Variants in ITPRIP observed in about 807,000 individuals in gnomAD.
The protein encoded by ITPRIP is inositol 1,4,5-trisphosphate receptor-interacting protein.
ITPRIP carries 32 observed loss-of-function variants against 35.8 expected under a neutral mutation model. The observed-to-expected ratio is 0.89, with a 90% confidence interval of 0.68 to 1.20. The LOEUF (loss-of-function observed/expected upper bound fraction) is 1.20, where lower values mean the gene tolerates loss of function less well. ITPRIP is among the 50% of genes most tolerant of loss of function. The probability of loss-of-function intolerance (pLI) is 0.00; values close to 1 mark genes in which losing one functional copy is unlikely to be tolerated. For synonymous variants in ITPRIP, 358 were observed against 324.0 expected (o/e 1.11, Z -1.13); for missense variants, 653 against 735.6 (o/e 0.89, Z 1.30).
chr10:104,315,603 A>C lies in ITPRIP; in HGVS notation c.449T>G (p.Ile150Ser). 2 of 1,613,386 alleles carry C rather than the reference A, an allele frequency of 1.2e-6. No individual in the cohort carries two copies. The highest frequency in any genetic ancestry group is 2.2e-5 in the South Asian group (2 of 91,078). Reference sequence around the variant, plus strand: ...GGCTGCATCGGCCGTGGCCCCCCGGATGCAGCGCTCATAAAAGTGGCCAAG... The same window carrying C: ...GGCTGCATCGGCCGTGGCCCCCCGGCTGCAGCGCTCATAAAAGTGGCCAAG... ...ATLGHFYERC[I>S]RGATADAART... The change falls in exon 2 of 2, where the codon ATC becomes AGC. Residue 150 changes from isoleucine (I) to serine (S), a missense_variant. Physicochemically the swap from Ile to Ser is moderately radical, Grantham distance 142. Coordinates refer to ENST00000337478, the MANE Select transcript of ITPRIP (RefSeq NM_001272013.2). This position sits in a 1 kb window ranked among gnomAD's most constrained non-coding sequence, Gnocchi z 5.7.
Position 104,314,092 on chromosome 10 carries a change from G to T in ITPRIP, c.*316C>A. On this transcript the variant is annotated 3_prime_UTR_variant, in exon 2 of 2. Coordinates refer to ENST00000337478, the MANE Select transcript of ITPRIP (RefSeq NM_001272013.2). Reference sequence around the variant, plus strand: ...TTACACCCAATCCAACATTTGCATTGTCTCTAACTCAGGGTCCACAGCGTG... The same window carrying T: ...TTACACCCAATCCAACATTTGCATTTTCTCTAACTCAGGGTCCACAGCGTG... 8.9e-7 allele frequency: 1 copy of T among 1,122,164 alleles called. No individual in the cohort carries two copies. The highest frequency in any genetic ancestry group is 1.1e-6 in the Non-Finnish European group (1 of 915,312). 69.5% of individuals were successfully genotyped at this position (1,122,164 alleles called of 1,614,324 possible).
rs779947329 is a variant in ITPRIP, at chr10:104,314,621, G to A, written c.1431C>T (p.Phe477=). The A allele has an allele frequency of 2.2e-5, 36 of 1,614,062 alleles. No homozygotes were observed. The African/African-American group carries it at 2.4e-4, about 11-fold the overall frequency. Residue 477 remains phenylalanine, a synonymous_variant, in exon 2 of 2, where the codon TTC becomes TTT. Coordinates refer to ENST00000337478, the MANE Select transcript of ITPRIP (RefSeq NM_001272013.2). ...CAGGCACCTTGCGGTTGCCGATGAA[G>A]AAGTGGTGGAGCTTCTTCTGGAGCA... is the stretch of plus-strand genomic sequence containing the variant. The part of the protein sequence containing the change: ...KSLLQKKLHH[F]FIGNRKVPEA...
Position 104,328,202 on chromosome 10 carries a change from T to C in ITPRIP, c.-14+10044A>G. On this transcript the variant is annotated intron_variant, in intron 1 of 1. Transcript: ENST00000337478. This position sits in a 1 kb window ranked among gnomAD's most constrained non-coding sequence, Gnocchi z 4.1. The stretch of plus-strand genomic sequence containing the variant: ...CCAGGATTCCCATCTCCGGTTTCTA[T>C]GCGTGAATCACAGTGACAGCAATGC... 1.0e-6 allele frequency: 1 copy of C among 984,788 alleles called. No homozygotes were observed. Among genetic ancestry groups the C allele is most frequent in the Non-Finnish European group, 1.2e-6 (1 of 829,352 alleles). 61.0% of individuals were successfully genotyped at this position (984,788 alleles called of 1,614,324 possible). A position where few individuals can be genotyped will look rare whatever the true frequency, so the allele number is the denominator to read the frequency against.
At chr10:104,316,105 A>C in intron 1 of ITPRIP, 41 bp from the exon 2 acceptor site, 3 of 1,475,944 alleles carry the variant, frequency 2.0e-6, no homozygotes, top group Non-Finnish European at 2.7e-6. Flanking sequence ...AGCTTCCCTC[A>C]ATGCCACTTC....
rs1407358524 is a variant in ITPRIP at position 104,314,554 on chromosome 10, G to C, written c.1498C>G (p.Leu500Val). 5.6e-6 allele frequency: 9 copies of C among 1,614,054 alleles called. No homozygotes were observed. Among genetic ancestry groups the C allele is most frequent in the Non-Finnish European group, 6.8e-6 (8 of 1,180,036 alleles). ...AGGACGAAGGGCCGGAAGAGGTTGAGGGGCTCGGCCCTGAGCACGGCCTCA... is the reference window on the plus strand; with the variant it reads ...AGGACGAAGGGCCGGAAGAGGTTGACGGGCTCGGCCCTGAGCACGGCCTCA... The part of the protein sequence containing the change: ...LPEAVLRAEP[L>V]NLFRPFVLQR... Residue 500 changes from leucine to valine, a missense_variant, in exon 2 of 2, where the codon CTC becomes GTC. Leu to Val is a conservative substitution (Grantham distance 32, BLOSUM62 1). Transcript: ENST00000337478.
chr10:104,323,690 T>C (rs1371831450), intron 1 of ITPRIP: 2 of 152,348 alleles, frequency 1.3e-5, no homozygotes, highest in African/African-American at 4.8e-5. Context: ...GTCTGAGCCA[T>C]CGTGAAACCC....
intron 1 of ITPRIP, among the ~76,000 whole-genome samples, chr10:104,319,388 G>A (rs879484664): frequency 1.3e-5 from 2 of 152,112 alleles, no homozygotes; most frequent in Admixed American, 6.5e-5. Flanking sequence ...GTAAACACAC[G>A]CTCGAAAGTG....
In ITPRIP at chr10:104,314,848, C is replaced by T; in HGVS notation, c.1204G>A (p.Gly402Ser). 2 of 1,613,830 alleles carry T rather than the reference C, an allele frequency of 1.2e-6. No individual in the cohort carries two copies. Among genetic ancestry groups the T allele is most frequent in the African/African-American group, 1.3e-5 (1 of 75,056 alleles). ...TGCAGGCAGCTGAGGTGGCAGGCGC[C>T]CTCGGGCAGTGCCTTTAGTGTCGTC... ...LRTTLKALPE[G>S]ACHLSCLQIA... The change falls in exon 2 of 2, where the codon GGC (glycine) becomes AGC (serine). Residue 402 changes from glycine (G) to serine (S), a missense_variant. Transcript: ENST00000337478.
At chr10:104,322,325 G>A (rs914994608) in intron 1 of ITPRIP, among the ~76,000 whole-genome samples, 2 of 152,200 alleles carry the variant, frequency 1.3e-5, no homozygotes, top group African/African-American at 4.8e-5. Context: ...TACTCCCACT[G>A]AGGGTTGACT....
intron 1 of ITPRIP, among the ~76,000 whole-genome samples, chr10:104,319,305 C>T (rs2135186676): frequency 6.6e-6 from 1 of 152,352 alleles, no homozygotes; most frequent in Non-Finnish European, 1.5e-5. Context: ...AGGCTCCTCT[C>T]CTCAGCATCT....
chr10:104,316,423 C>T (rs1343036875), intron 1 of ITPRIP, among the ~76,000 whole-genome samples: 3 of 152,150 alleles, frequency 2.0e-5, no homozygotes, highest in Non-Finnish European at 4.4e-5. Context: ...GACATTCTGC[C>T]GCCCAGCTAC....
chr10:104,316,988 G>A (rs900728111), intron 1 of ITPRIP, among the ~76,000 whole-genome samples: 3 of 152,202 alleles, frequency 2.0e-5, no homozygotes, highest in Admixed American at 1.3e-4. Context: ...ATTGAGAGAC[G>A]CAATGATCCC....
chr10:104,331,337 G>C (rs276213), intron 1 of ITPRIP, among the ~76,000 whole-genome samples: 3 of 152,070 alleles, frequency 2.0e-5, no homozygotes, highest in Non-Finnish European at 4.4e-5. Flanking sequence ...GGACGCGTTC[G>C]TAAACTTCAG....
rs780635684 is a variant in ITPRIP, at chr10:104,316,042, C to T, written c.10G>A (p.Gly4Arg). The T allele has an allele frequency of 6.3e-5, 99 of 1,576,780 alleles. No individual in the cohort carries two copies. The highest frequency in any genetic ancestry group is 7.9e-5 in the Non-Finnish European group (92 of 1,163,340). Reference sequence around the variant, plus strand: ...ACCACCAGACACACGCGGAAGAGCCCCATGGCCATGGTTGGAGCTTTCCTG... The same window carrying T: ...ACCACCAGACACACGCGGAAGAGCCTCATGGCCATGGTTGGAGCTTTCCTG... MAM[G>R]LFRVCLVVVT... Residue 4 changes from glycine to arginine, a missense_variant, in exon 2 of 2, where the codon GGG (glycine) becomes AGG (arginine). Physicochemically the swap from Gly to Arg is moderately radical, Grantham distance 125. Coordinates refer to ENST00000337478, the MANE Select transcript of ITPRIP (RefSeq NM_001272013.2).
chr10:104,332,410 T>G (rs113927214), intron 1 of ITPRIP, among the ~76,000 whole-genome samples: 1 of 152,208 alleles, frequency 6.6e-6, no homozygotes, highest in Non-Finnish European at 1.5e-5. Context: ...TTATGCCTAG[T>G]TGCACAAAAC....
At position 104,315,548 on chromosome 10, in the gene ITPRIP, C is replaced by T; in HGVS notation, c.504G>A (p.Val168=). 6.2e-7 allele frequency: 1 copy of T among 1,614,228 alleles called. No individual in the cohort carries two copies. Residue 168 remains valine (V), a synonymous_variant, in exon 2 of 2, where the codon GTG becomes GTA. Transcript: ENST00000337478. This position sits in a 1 kb window ranked among gnomAD's most constrained non-coding sequence, Gnocchi z 5.7. ...TCCTCAGGGCTTCCAGCAAGTCATC[C>T]ACGAAGCCTTCCAGGAACTCCCGGG... ...ARTREFLEGF[V]DDLLEALRSL...
intron 1 of ITPRIP, among the ~76,000 whole-genome samples, chr10:104,336,284 GT>G (rs1386637219): frequency 1.3e-5 from 2 of 152,092 alleles, no homozygotes; most frequent in Non-Finnish European, 2.9e-5. Context: ...TGAGAGAAGG[GT>G]CCAGGATGGC....
intron 1 of ITPRIP, among the ~76,000 whole-genome samples, chr10:104,336,542 T>A (rs2014241084): frequency 6.9e-6 from 1 of 144,272 alleles, no homozygotes; most frequent in Non-Finnish European, 1.5e-5. Context: ...AAAGACAGGG[T>A]CTGAACTCTG....
intron 1 of ITPRIP, among the ~76,000 whole-genome samples, chr10:104,319,335 C>G (rs1021589098): frequency 9.9e-5 from 15 of 152,222 alleles, no homozygotes; most frequent in Admixed American, 7.2e-4. Flanking sequence ...TGCTTTCTCA[C>G]CTGCTGAGCA....
Sources: gnomAD v4.1 joint callset for allele counts (sites outside exome capture counted in the v4.1 genomes callset) on GRCh38, gnomAD v4.1.1 for gene constraint, Gnocchi (gnomAD v3.1) non-coding constraint, MANE v1.5 for transcripts, NCBI Gene and HGNC (gene_info 2026-07-23, HGNC 2026-07-21) for gene names.